Variants in UBAP1 observed in about 807,000 individuals in gnomAD.
UBAP1 encodes ubiquitin associated protein 1.
Under a neutral mutation model 39.0 loss-of-function variants are expected in UBAP1, and 5 were observed. That is an observed-to-expected ratio of 0.13 (90% CI 0.07 to 0.27). UBAP1 has a LOEUF of 0.27. UBAP1 is among the 10% of genes least tolerant of loss of function. UBAP1 has a pLI of 1.00. For missense variants in UBAP1, 490 were observed against 608.1 expected (o/e 0.81, Z 2.04); for synonymous variants, 211 against 225.1 (o/e 0.94, Z 0.56).
At chr9:34,195,622 A>T in intron 1 of UBAP1, among the ~76,000 whole-genome samples, 1 of 146,900 alleles carries the variant, frequency 6.8e-6, no homozygotes, top group African/African-American at 2.5e-5. Flanking sequence ...TCTGAGACGG[A>T]GTTTCACTCT....
At chr9:34,229,153 G>A (rs1477209444) in intron 2 of UBAP1, among the ~76,000 whole-genome samples, 1 of 152,046 alleles carries the variant, frequency 6.6e-6, no homozygotes, top group Non-Finnish European at 1.5e-5. Flanking sequence ...CCTAAGCCAG[G>A]ACCTAGTTTC....
At chr9:34,222,378 A>T (rs1462959042) in intron 2 of UBAP1, among the ~76,000 whole-genome samples, 1 of 152,204 alleles carries the variant, frequency 6.6e-6, no homozygotes, top group African/African-American at 2.4e-5. Flanking sequence ...TTTTGAAGTT[A>T]TTCAAACTCT....
intron 2 of UBAP1, among the ~76,000 whole-genome samples, chr9:34,230,213 G>A (rs546030466): frequency 2.0e-5 from 3 of 150,882 alleles, no homozygotes; most frequent in Admixed American, 1.3e-4. Context: ...ACATGGGCAC[G>A]CCACCATGCC....
chr9:34,188,432 T>TTC (rs1211408063), intron 1 of UBAP1, among the ~76,000 whole-genome samples: 1 of 150,590 alleles, frequency 6.6e-6, no homozygotes, highest in Non-Finnish European at 1.5e-5. Context: ...GCTTTTTTTT[T>TTC]TTTTTTTTTT....
rs772231694 is a variant in UBAP1, at chr9:34,241,952, T to G, written c.927T>G (p.Ser309Arg). ...QNSLKPSTQS[S>R]ASELNGHHTL... ...CCCTAAAGCCTTCCACCCAAAGCAG[T>G]GCCAGTGAGCTCAATGGGCATCACA... Residue 309 changes from serine (S) to arginine (R), a missense_variant, in exon 4 of 7, where the codon AGT (serine) becomes AGG (arginine). By Grantham distance (110) the Ser-to-Arg change is moderately radical (BLOSUM62 -1). Coordinates refer to ENST00000297661, the MANE Select transcript of UBAP1 (RefSeq NM_016525.5). The G allele has an allele frequency of 6.2e-7, 1 of 1,614,056 alleles. No individual in the cohort carries two copies. The highest frequency in any genetic ancestry group is 1.7e-5 in the Admixed American group (1 of 59,996).
intron 1 of UBAP1, among the ~76,000 whole-genome samples, chr9:34,185,149 G>C (rs568492068): frequency 6.7e-4 from 100 of 150,060 alleles, no homozygotes; most frequent in African/African-American, 2.3e-3. Flanking sequence ...CACCAGGCTG[G>C]TCTCGAACTT....
intron 1 of UBAP1, among the ~76,000 whole-genome samples, chr9:34,189,178 G>C (rs1830577418): frequency 6.6e-6 from 1 of 150,952 alleles, no homozygotes; most frequent in African/African-American, 2.4e-5. Flanking sequence ...TCTTCTAGTA[G>C]ATCATTATAT....
At chr9:34,215,712 A>G (rs922304676) in intron 1 of UBAP1, among the ~76,000 whole-genome samples, 4 of 152,070 alleles carry the variant, frequency 2.6e-5, no homozygotes, top group Non-Finnish European at 5.9e-5. Flanking sequence ...TTAAAAAAGT[A>G]TAGGAAGTTA....
At chr9:34,220,781 GA>G (rs1276351225) in intron 1 of UBAP1, 126 bp from the exon 2 acceptor site, 4 of 710,800 alleles carry the variant, frequency 5.6e-6, no homozygotes, top group Admixed American at 2.9e-5. Context: ...TGGACTTTGG[GA>G]GTGAGACGTG....
chr9:34,232,291 G>A (rs549311938), intron 2 of UBAP1, among the ~76,000 whole-genome samples: 2 of 152,330 alleles, frequency 1.3e-5, no homozygotes, highest in East Asian at 1.9e-4. Context: ...CACTGCACCC[G>A]GCCTGAGTTT....
At chr9:34,230,662 G>A (rs2131600518) in intron 2 of UBAP1, among the ~76,000 whole-genome samples, 1 of 152,262 alleles carries the variant, frequency 6.6e-6, no homozygotes, top group South Asian at 2.1e-4. Context: ...GTGCCATAGA[G>A]TTTAAGTGTT....
chr9:34,232,106 T>C (rs1341740968), intron 2 of UBAP1, among the ~76,000 whole-genome samples: 2 of 151,978 alleles, frequency 1.3e-5, no homozygotes, highest in Non-Finnish European at 2.9e-5. Context: ...GCAGTTCTCC[T>C]GCTTCAGCCT....
At chr9:34,219,760 CCT>C (rs1221558881) in intron 1 of UBAP1, among the ~76,000 whole-genome samples, 1 of 69,082 alleles carries the variant, frequency 1.4e-5, no homozygotes, top group African/African-American at 5.7e-5. Context: ...CCTCCCCTCC[CCT>C]CTCCCCTCCC....
chr9:34,251,733 C>A lies in UBAP1; in HGVS notation c.*201C>A. On this transcript the variant is annotated 3_prime_UTR_variant, in exon 7 of 7. Coordinates refer to ENST00000297661, the MANE Select transcript of UBAP1 (RefSeq NM_016525.5). ...GGAAGATTCGGGCATGTGAGTGCCCCCAGAACTGTCCTGGCTCCTTCCGTA... is the reference window on the plus strand; with the variant it reads ...GGAAGATTCGGGCATGTGAGTGCCCACAGAACTGTCCTGGCTCCTTCCGTA... 1.7e-6 allele frequency: 1 copy of A among 599,028 alleles called. No individual in the cohort carries two copies. The allele number at this position is 599,028 out of a possible 1,614,324, so 37.1% of individuals were successfully genotyped here. A position where few individuals can be genotyped will look rare whatever the true frequency, so the allele number is the denominator to read the frequency against.
At chr9:34,229,598 A>T (rs1311289850) in intron 2 of UBAP1, among the ~76,000 whole-genome samples, 1 of 144,376 alleles carries the variant, frequency 6.9e-6, no homozygotes, top group Admixed American at 6.9e-5. Flanking sequence ...AGTGCAGTGG[A>T]GCCATCTCGG....
intron 1 of UBAP1, among the ~76,000 whole-genome samples, chr9:34,213,561 C>G (rs538318192): frequency 6.6e-6 from 1 of 151,982 alleles, no homozygotes; most frequent in Non-Finnish European, 1.5e-5. Flanking sequence ...TACAGCCAAC[C>G]TAATACTGAA....
Position 34,192,255 on chromosome 9 carries a change from G to T in UBAP1, c.-8+13015G>T, listed in dbSNP as rs1172682918. Among the ~76,000 whole-genome samples the T allele has an allele frequency of 7.2e-5, 11 of 151,898 alleles. No homozygotes were observed. In the East Asian group the frequency reaches 2.1e-3, roughly 30 times the overall value. On this transcript the variant is annotated intron_variant, in intron 1 of 6. Coordinates refer to ENST00000297661, the MANE Select transcript of UBAP1 (RefSeq NM_016525.5). Reference sequence around the variant, plus strand: ...GTTCAGGCCAGGCGCGGTGGCTCATGCCTGTAATCCCAGCACTTTGGGAGG... The same window carrying T: ...GTTCAGGCCAGGCGCGGTGGCTCATTCCTGTAATCCCAGCACTTTGGGAGG...
rs1834551323 is a variant in UBAP1 at position 34,251,794 on chromosome 9, A to G, written c.*262A>G. The G allele has an allele frequency of 2.5e-6, 1 of 407,228 alleles. No homozygotes were observed. Among genetic ancestry groups the G allele is most frequent in the Non-Finnish European group, 4.5e-6 (1 of 223,272 alleles). The allele number at this position is 407,228 out of a possible 1,614,324, so 25.2% of individuals were successfully genotyped here. On this transcript the variant is annotated 3_prime_UTR_variant, in exon 7 of 7. Transcript: ENST00000297661. ...TTGCATTTTGAGAAGTGTCCTTCCC[A>G]CTTCAGCCCTCCGGAGAGACTACCC...
chr9:34,215,925 C>G (rs1393668880), intron 1 of UBAP1, among the ~76,000 whole-genome samples: 1 of 151,726 alleles, frequency 6.6e-6, no homozygotes, highest in Non-Finnish European at 1.5e-5. Flanking sequence ...TTCTCATATT[C>G]TTAAGGACTG....
Sources: allele counts gnomAD v4.1 joint callset (sites outside exome capture counted in the v4.1 genomes callset), GRCh38; gene constraint gnomAD v4.1.1; transcripts MANE v1.5; gene names NCBI Gene and HGNC (gene_info 2026-07-23, HGNC 2026-07-21).